SLC8A1: variants seen among roughly 807,000 people sequenced by gnomAD.
The protein encoded by SLC8A1 is solute carrier family 8 member A1.
In SLC8A1, 18 loss-of-function variants were observed where a neutral mutation model predicts 68.3. The ratio of observed to expected loss-of-function variants is 0.26; its 90% CI spans 0.18 to 0.39. The LOEUF (loss-of-function observed/expected upper bound fraction) is 0.39, where lower values mean the gene tolerates loss of function less well. SLC8A1 is among the 10% of genes least tolerant of loss of function. The pLI, the probability that SLC8A1 is intolerant of heterozygous loss-of-function variation, is 1.00. For synonymous variants in SLC8A1, 475 were observed against 415.5 expected, an observed-to-expected ratio of 1.14 and a Z score of -1.74; for missense variants, 985 against 1,156.7, an observed-to-expected ratio of 0.85 and a Z score of 2.15.
chr2:40,319,846 T>C (rs1340863661), intron 2 of SLC8A1, among the ~76,000 whole-genome samples: 1 of 152,128 alleles, frequency 6.6e-6, no homozygotes, highest in Non-Finnish European at 1.5e-5. Flanking sequence ...ATATGACCTC[T>C]AGATATATCA....
intron 2 of SLC8A1, among the ~76,000 whole-genome samples, chr2:40,296,861 G>C (rs964814688): frequency 2.6e-5 from 4 of 152,062 alleles, no homozygotes; most frequent in Admixed American, 2.6e-4. Flanking sequence ...CCAGGTAGTT[G>C]ACAAAGCATT....
intron 4 of SLC8A1, among the ~76,000 whole-genome samples, chr2:40,171,467 T>A (rs1388970566): frequency 6.6e-6 from 1 of 152,216 alleles, no homozygotes; most frequent in Non-Finnish European, 1.5e-5. Flanking sequence ...ATTAAATTAT[T>A]CATGTTTATA....
intron 2 of SLC8A1, among the ~76,000 whole-genome samples, chr2:40,371,141 C>G (rs928940978): frequency 6.6e-6 from 1 of 152,012 alleles, no homozygotes; most frequent in African/African-American, 2.4e-5. Context: ...TATTGGTGGT[C>G]CCTGGCCCAG....
At chr2:40,512,099 A>G (rs1432585250) in intron 1 of SLC8A1, among the ~76,000 whole-genome samples, 1 of 152,208 alleles carries the variant, frequency 6.6e-6, no homozygotes, top group Non-Finnish European at 1.5e-5. Context: ...TAAGTGACCC[A>G]GGACAGAGGG....
intron 2 of SLC8A1, 50 bp downstream of exon 2, chr2:40,428,423 C>CCACACACACACACACA (rs3838567): frequency 8.7e-7 from 1 of 1,145,884 alleles, no homozygotes; most frequent in Admixed American, 3.2e-5. Context: ...ACACACTGAA[C>CCACACACACACACACA]CACACACACA....
At chr2:40,125,734 C>G (rs998555203) in intron 7 of SLC8A1, among the ~76,000 whole-genome samples, 1 of 151,266 alleles carries the variant, frequency 6.6e-6, no homozygotes, top group East Asian at 1.9e-4. Flanking sequence ...TTACTAGATA[C>G]GTAACTTATA....
chr2:40,364,068 A>T (rs544405023), intron 2 of SLC8A1, among the ~76,000 whole-genome samples: 6 of 152,238 alleles, frequency 3.9e-5, no homozygotes, highest in African/African-American at 1.4e-4. Flanking sequence ...ATTTTTAATT[A>T]AAAAGCTTTT....
chr2:40,426,316 G>T lies in SLC8A1; in HGVS notation c.1808+2157C>A, dbSNP rs566549577. ...CAATACTCCTAAGAACATATATATA[G>T]AGATGGCATGAATTATTAGCCAATT... On this transcript the variant is annotated intron_variant, in intron 2 of 7. Coordinates refer to ENST00000406785, the Ensembl canonical transcript of SLC8A1. Among the ~76,000 whole-genome samples the T allele has an allele frequency of 1.9e-4, 29 of 152,006 alleles. No individual in the cohort carries two copies. In the East Asian group the frequency reaches 1.9e-3, roughly 10 times the overall value.
At chr2:40,261,753 T>C (rs2064739268) in intron 2 of SLC8A1, among the ~76,000 whole-genome samples, 1 of 136,616 alleles carries the variant, frequency 7.3e-6, no homozygotes, top group Non-Finnish European at 1.6e-5. Context: ...GCCACAGTCG[T>C]TGCACTGTGC....
rs545259620 is a variant in SLC8A1 at position 40,256,249 on chromosome 2, T to A, written c.1809-78394A>T. On this transcript the variant is annotated intron_variant, in intron 2 of 7. Coordinates refer to ENST00000406785, the Ensembl canonical transcript of SLC8A1. ...ACACTCTTAAGGACACATCACACAC[T>A]CTGTGGAAGAGGGTAGGAGAGGTGT... Among the ~76,000 whole-genome samples, 6 of 152,252 alleles carry A rather than the reference T, an allele frequency of 3.9e-5. No individual in the cohort carries two copies. The East Asian group carries it at 5.8e-4, about 15-fold the overall frequency.
exon 2 of SLC8A1, chr2:40,430,060 T>C (rs1317534057): frequency 3.7e-6 from 6 of 1,613,878 alleles, no homozygotes; most frequent in Non-Finnish European, 5.1e-6. Flanking sequence ...TCTAGCAATT[T>C]TGTCCCCAAA....
intron 1 of SLC8A1, among the ~76,000 whole-genome samples, chr2:40,439,580 CTTTTTTA>C (rs1375739432): frequency 2.0e-5 from 3 of 151,960 alleles, no homozygotes; most frequent in Non-Finnish European, 4.4e-5. Context: ...AGATTTTTTT[CTTTTTTA>C]TTTTTTAATC....
At chr2:40,325,009 T>G (rs1175541231) in intron 2 of SLC8A1, among the ~76,000 whole-genome samples, 2 of 152,002 alleles carry the variant, frequency 1.3e-5, no homozygotes, top group Non-Finnish European at 2.9e-5. Context: ...CCACACTCTC[T>G]TCTCCAAGGA....
intron 2 of SLC8A1, among the ~76,000 whole-genome samples, chr2:40,296,433 A>AT (rs1251766584): frequency 6.6e-6 from 1 of 152,184 alleles, no homozygotes; most frequent in Non-Finnish European, 1.5e-5. Flanking sequence ...ATTTGCCTCT[A>AT]TATAGAAGGC....
At chr2:40,440,747 C>T (rs1700310382) in intron 1 of SLC8A1, among the ~76,000 whole-genome samples, 1 of 152,146 alleles carries the variant, frequency 6.6e-6, no homozygotes, top group African/African-American at 2.4e-5. Context: ...ATGTTAAAAA[C>T]TCTCAATAAA....
At chr2:40,240,953 A>T (rs1338755975) in intron 2 of SLC8A1, among the ~76,000 whole-genome samples, 2 of 152,214 alleles carry the variant, frequency 1.3e-5, no homozygotes, top group Non-Finnish European at 2.9e-5. Flanking sequence ...ATTTTTAAAG[A>T]ACTTAAAACA....
At chr2:40,343,182 T>C (rs1454687891) in intron 2 of SLC8A1, among the ~76,000 whole-genome samples, 1 of 152,192 alleles carries the variant, frequency 6.6e-6, no homozygotes, top group African/African-American at 2.4e-5. Flanking sequence ...TAACATATAG[T>C]ACAGCCTCTA....
chr2:40,429,965 T>C, exon 2 of SLC8A1: 5 of 1,613,702 alleles, frequency 3.1e-6, no homozygotes, highest in Non-Finnish European at 4.2e-6. Context: ...TGAGATGTGA[T>C]GACTTCTATA....
At chr2:40,155,743 A>T (rs2044354093) in intron 6 of SLC8A1, among the ~76,000 whole-genome samples, 1 of 152,218 alleles carries the variant, frequency 6.6e-6, no homozygotes, top group East Asian at 1.9e-4. Flanking sequence ...GGATGGACTG[A>T]TGACAGAAGC....
Sources: allele counts gnomAD v4.1 joint callset (sites outside exome capture counted in the v4.1 genomes callset), GRCh38; gene constraint gnomAD v4.1.1; transcripts MANE v1.5; gene names NCBI Gene and HGNC (gene_info 2026-07-23, HGNC 2026-07-21).